Variants in EFCAB14 observed in about 807,000 individuals in gnomAD.
EFCAB14 encodes the protein EF-hand calcium binding domain 14.
EFCAB14 carries 43 observed loss-of-function variants against 56.5 expected under a neutral mutation model. The ratio of observed to expected loss-of-function variants is 0.76; its 90% CI spans 0.60 to 0.98. EFCAB14 has a LOEUF of 0.98. Among genes scored for constraint, EFCAB14 ranks in the 50% least tolerant of loss-of-function variants. The pLI, the probability that EFCAB14 is intolerant of heterozygous loss-of-function variation, is 0.00. For synonymous variants in EFCAB14, 235 were observed against 212.9 expected (o/e 1.10, Z -0.90); for missense variants, 538 against 580.3 (o/e 0.93, Z 0.75).
At chr1:46,716,554 G>T in intron 1 of EFCAB14, 111 bp from the exon 2 acceptor site, 1 of 1,259,612 alleles carries the variant, frequency 7.9e-7, no homozygotes, top group Non-Finnish European at 1.1e-6. Flanking sequence ...TGAATAACCA[G>T]TGAATTAACC....
Position 46,718,273 on chromosome 1 carries a change from G to A in EFCAB14, c.-186C>T. 1 of 567,212 alleles carries A rather than the reference G, an allele frequency of 1.8e-6. No homozygotes were observed. The allele number at this position is 567,212 out of a possible 1,614,324, so 35.1% of individuals were successfully genotyped here. On this transcript the variant is annotated 5_prime_UTR_variant, in exon 1 of 11. Coordinates refer to ENST00000371933, the MANE Select transcript of EFCAB14 (RefSeq NM_014774.3). ...AGGGACTGGAGATTGGAGCCCAGAG[G>A]AAACTGGAACTCAGATGGGTGGGGG...
At chr1:46,696,679 A>G in intron 3 of EFCAB14, 30 bp from the exon 4 acceptor site, 1 of 1,600,084 alleles carries the variant, frequency 6.2e-7, no homozygotes, top group Non-Finnish European at 8.6e-7. Context: ...AAACAATGAA[A>G]ACAAATGAGA....
intron 10 of EFCAB14, among the ~76,000 whole-genome samples, chr1:46,681,591 C>G (rs1676795493): frequency 6.6e-6 from 1 of 152,140 alleles, no homozygotes; most frequent in African/African-American, 2.4e-5. Flanking sequence ...GTCAAAAGCT[C>G]TCTGAAAGGC....
At chr1:46,689,992 C>A (rs78633448) in intron 5 of EFCAB14, among the ~76,000 whole-genome samples, 1 of 152,080 alleles carries the variant, frequency 6.6e-6, no homozygotes, top group Non-Finnish European at 1.5e-5. Flanking sequence ...TGCCCCATTG[C>A]CTGTGCTCCC....
chr1:46,676,373 T>C lies in EFCAB14; in HGVS notation c.*2088A>G, dbSNP rs924383727. The C allele has an allele frequency of 7.2e-5, 11 of 152,446 alleles. No homozygotes were observed. The highest frequency in any genetic ancestry group is 1.0e-4 in the Non-Finnish European group (7 of 68,056). The allele number at this position is 152,446 out of a possible 1,614,324, so 9.4% of individuals were successfully genotyped here. A position where few individuals can be genotyped will look rare whatever the true frequency, so the allele number is the denominator to read the frequency against. On this transcript the variant is annotated 3_prime_UTR_variant, in exon 11 of 11. Coordinates refer to ENST00000371933, the MANE Select transcript of EFCAB14 (RefSeq NM_014774.3). ...ATGGATTTCTCCATGTATAGTTATC[T>C]GATGCAAGGGAAAATACACACAACA...
intron 3 of EFCAB14, among the ~76,000 whole-genome samples, chr1:46,700,239 G>A (rs116605113): frequency 6.6e-6 from 1 of 152,194 alleles, no homozygotes; most frequent in East Asian, 1.9e-4. Context: ...AATTAAATGA[G>A]ACATATAATC....
intron 1 of EFCAB14, among the ~76,000 whole-genome samples, chr1:46,716,800 T>C (rs1371268440): frequency 6.6e-6 from 1 of 152,228 alleles, no homozygotes; most frequent in African/African-American, 2.4e-5. Context: ...GCACTGGAAT[T>C]TGCCTATTGA....
Position 46,684,324 on chromosome 1 carries a change from A to C in EFCAB14, c.1186+167T>G, listed in dbSNP as rs2148838769. On this transcript the variant is annotated intron_variant, in intron 9 of 10. Coordinates refer to ENST00000371933, the MANE Select transcript of EFCAB14 (RefSeq NM_014774.3). ...GACTAGAGTACAAATCATGTACAAA[A>C]TGGGCCTTTTCTAAATGAAAGCAAA... 5.1e-6 allele frequency: 3 copies of C among 592,822 alleles called. 1 individual carries two copies. The South Asian group carries it at 6.3e-5, about 12-fold the overall frequency. 36.7% of individuals were successfully genotyped at this position (592,822 alleles called of 1,614,324 possible).
intron 3 of EFCAB14, among the ~76,000 whole-genome samples, chr1:46,707,452 T>G (rs1677249109): frequency 2.0e-5 from 3 of 152,238 alleles, no homozygotes; most frequent in Non-Finnish European, 4.4e-5. Context: ...CCAAGGTATT[T>G]AACCAACTCC....
At chr1:46,683,896 G>A (rs956087530) in intron 9 of EFCAB14, among the ~76,000 whole-genome samples, 1 of 152,182 alleles carries the variant, frequency 6.6e-6, no homozygotes, top group African/African-American at 2.4e-5. Context: ...CCTACTAAAG[G>A]AGAATTCAAG....
At chr1:46,697,411 T>C (rs569024214) in intron 3 of EFCAB14, among the ~76,000 whole-genome samples, 52 of 152,340 alleles carry the variant, frequency 3.4e-4, no homozygotes, top group African/African-American at 1.1e-3. Flanking sequence ...ACCTGTGTAA[T>C]AGTCAGTTTC....
chr1:46,718,076 G>A lies in EFCAB14; in HGVS notation c.12C>T (p.Arg4=). The A allele has an allele frequency of 6.2e-7, 1 of 1,613,916 alleles. No individual in the cohort carries two copies. Among genetic ancestry groups the A allele is most frequent in the Non-Finnish European group, 8.5e-7 (1 of 1,179,906 alleles). ...AACCAATCAATGCATTGAGCTCTTT[G>A]CGCTTTTTCATCTTTTTGTGTGGGG... MKK[R]KELNALIGLA... The change falls in exon 1 of 11, where the codon CGC becomes CGT. Residue 4 remains arginine, a synonymous_variant. Transcript: ENST00000371933.
At chr1:46,696,452 G>C in intron 4 of EFCAB14, 99 bp downstream of exon 4, 1 of 1,118,598 alleles carries the variant, frequency 8.9e-7, no homozygotes, top group Non-Finnish European at 1.3e-6. Flanking sequence ...CAAATGCTAG[G>C]CTTTCAATGA....
chr1:46,709,113 AT>A, intron 2 of EFCAB14, among the ~76,000 whole-genome samples: 1 of 152,292 alleles, frequency 6.6e-6, no homozygotes, highest in South Asian at 2.1e-4. Context: ...TTCATGTGCT[AT>A]TTTGTTCACT....
At chr1:46,692,137 C>T (rs1275971767) in intron 4 of EFCAB14, 200 bp from the exon 5 acceptor site, 5 of 426,290 alleles carry the variant, frequency 1.2e-5, no homozygotes, top group East Asian at 3.7e-5. Flanking sequence ...CCTTGCCGAT[C>T]GTTCCCAGGC....
chr1:46,712,176 T>A (rs1677319252), intron 2 of EFCAB14, among the ~76,000 whole-genome samples: 1 of 152,240 alleles, frequency 6.6e-6, no homozygotes, highest in Non-Finnish European at 1.5e-5. Context: ...AGGTCACAGA[T>A]ACCTATATTC....
In EFCAB14 at chr1:46,718,195, G is replaced by A. The variant is rs1468906887; in HGVS notation, c.-108C>T. On this transcript the variant is annotated 5_prime_UTR_variant, in exon 1 of 11. Coordinates refer to ENST00000371933, the MANE Select transcript of EFCAB14 (RefSeq NM_014774.3). ...CTGCCTTCCAGGGTTGGGAATCCTG[G>A]GCCAGAGCCCCCTGGTCACTCCCAC... 4.9e-6 allele frequency: 6 copies of A among 1,231,628 alleles called. No individual in the cohort carries two copies. Among genetic ancestry groups the A allele is most frequent in the Non-Finnish European group, 5.7e-6 (5 of 881,632 alleles). The allele number at this position is 1,231,628 out of a possible 1,614,324, so 76.3% of individuals were successfully genotyped here.
chr1:46,678,849 G>A (rs1412467931), intron 10 of EFCAB14, among the ~76,000 whole-genome samples: 6 of 148,520 alleles, frequency 4.0e-5, no homozygotes, highest in African/African-American at 7.5e-5. Context: ...AAGGCTGGGT[G>A]CAGTGGCTTA....
At chr1:46,707,770 G>A in intron 3 of EFCAB14, 136 bp downstream of exon 3, 1 of 756,170 alleles carries the variant, frequency 1.3e-6, no homozygotes, top group Non-Finnish European at 2.0e-6. Context: ...TGGGATTACA[G>A]TATGCAAAAC....
Sources: allele counts gnomAD v4.1 joint callset (sites outside exome capture counted in the v4.1 genomes callset), GRCh38; gene constraint gnomAD v4.1.1; transcripts MANE v1.5; gene names NCBI Gene and HGNC (gene_info 2026-07-23, HGNC 2026-07-21).